Variants in MBOAT2 observed in about 807,000 individuals in gnomAD.
The protein encoded by MBOAT2 is membrane bound glycerophospholipid O-acyltransferase 2.
Under a neutral mutation model 63.4 loss-of-function variants are expected in MBOAT2, and 28 were observed. The ratio of observed to expected loss-of-function variants is 0.44; its 90% confidence interval spans 0.33 to 0.61. MBOAT2 has a LOEUF of 0.61. Among genes scored for constraint, MBOAT2 ranks in the 20% least tolerant of loss-of-function variants. MBOAT2 has a pLI of 0.03. For synonymous variants in MBOAT2, 211 were observed against 215.6 expected, an observed-to-expected ratio of 0.98 and a Z score of 0.19; for missense variants, 470 against 605.8, an observed-to-expected ratio of 0.78 and a Z score of 2.35.
intron 3 of MBOAT2, among the ~76,000 whole-genome samples, chr2:8,924,788 A>G (rs1666827131): frequency 6.6e-6 from 1 of 151,718 alleles, no homozygotes; most frequent in Non-Finnish European, 1.5e-5. Context: ...ATTGTTCTTC[A>G]CTAAGAAAAT....
chr2:8,897,106 G>T (rs922977334), intron 4 of MBOAT2, among the ~76,000 whole-genome samples: 4 of 152,192 alleles, frequency 2.6e-5, no homozygotes, highest in Non-Finnish European at 5.9e-5. Flanking sequence ...GGGGTACACT[G>T]TTTTTTCTTT....
rs372110210 is a variant in MBOAT2 at position 8,912,559 on chromosome 2, C to T, written c.300-3843G>A. On this transcript the variant is annotated intron_variant, in intron 3 of 12. Coordinates refer to ENST00000305997, the MANE Select transcript of MBOAT2 (RefSeq NM_138799.4). ...CTTCTATACACCAACAGCAACAAAG[C>T]GGAGAACCAAATTAGTAATTCAACC... 5.9e-5 allele frequency among the ~76,000 whole-genome samples: 9 copies of T among 152,186 alleles called. No homozygotes were observed. In the East Asian group the frequency reaches 9.6e-4, roughly 16 times the overall value.
chr2:8,926,352 G>A (rs184786731), intron 3 of MBOAT2, among the ~76,000 whole-genome samples: 4 of 152,168 alleles, frequency 2.6e-5, no homozygotes, highest in Non-Finnish European at 1.5e-5. Context: ...AATATGTGAA[G>A]TATACAAGAT....
At chr2:8,896,908 C>T (rs575105584) in intron 4 of MBOAT2, among the ~76,000 whole-genome samples, 1 of 152,196 alleles carries the variant, frequency 6.6e-6, no homozygotes, top group Admixed American at 6.5e-5. Flanking sequence ...ATTTAGATCC[C>T]GTTAGGAAAC....
chr2:8,955,418 G>T (rs984324618), intron 2 of MBOAT2, among the ~76,000 whole-genome samples: 2 of 152,150 alleles, frequency 1.3e-5, no homozygotes, highest in African/African-American at 4.8e-5. Context: ...CACATACTGG[G>T]GCTTCACTCA....
At chr2:8,955,438 A>C (rs562143491) in intron 2 of MBOAT2, among the ~76,000 whole-genome samples, 1 of 152,276 alleles carries the variant, frequency 6.6e-6, no homozygotes, top group African/African-American at 2.4e-5. Context: ...ACTTTTATCA[A>C]CTGGATGCTA....
intron 9 of MBOAT2, among the ~76,000 whole-genome samples, chr2:8,867,061 CTTTTT>C (rs372529326): frequency 6.7e-6 from 1 of 149,024 alleles, no homozygotes; most frequent in Non-Finnish European, 1.5e-5. Context: ...CAATGGTTTT[CTTTTT>C]TTTTTGAGAC....
intron 4 of MBOAT2, among the ~76,000 whole-genome samples, chr2:8,892,202 T>G (rs1664054687): frequency 1.3e-5 from 2 of 152,344 alleles, no homozygotes; most frequent in South Asian, 4.1e-4. Flanking sequence ...AAGGGAAGTC[T>G]GTATATTAAT....
At chr2:8,948,539 A>G (rs1668586488) in intron 2 of MBOAT2, among the ~76,000 whole-genome samples, 1 of 152,090 alleles carries the variant, frequency 6.6e-6, no homozygotes, top group African/African-American at 2.4e-5. Flanking sequence ...TGCCATCTTT[A>G]TGTCCATGAG....
intron 7 of MBOAT2, among the ~76,000 whole-genome samples, chr2:8,876,414 C>T (rs1262756791): frequency 2.6e-5 from 4 of 152,176 alleles, no homozygotes; most frequent in Admixed American, 6.5e-5. Context: ...AGAGTAACTA[C>T]GTGTGAGGTG....
chr2:8,884,817 C>T lies in MBOAT2; in HGVS notation c.452-2252G>A, dbSNP rs189221732. ...AACAAACTTGTGTCAAAAGTCTACA[C>T]GCACAACAAACCCAGCCTTCCTTCT... On this transcript the variant is annotated intron_variant, in intron 5 of 12. Coordinates refer to ENST00000305997, the MANE Select transcript of MBOAT2 (RefSeq NM_138799.4). Among the ~76,000 whole-genome samples the T allele has an allele frequency of 7.5e-4, 114 of 152,334 alleles. 1 individual carries two copies. The highest frequency in any genetic ancestry group is 3.5e-3 in the South Asian group (17 of 4,830).
At chr2:8,941,206 C>G (rs183378244) in intron 3 of MBOAT2, among the ~76,000 whole-genome samples, 119 of 152,230 alleles carry the variant, frequency 7.8e-4, no homozygotes, top group African/African-American at 2.2e-3. Flanking sequence ...TATCCACCTG[C>G]TATTTACTGC....
chr2:8,915,972 G>A (rs991226012), intron 3 of MBOAT2, among the ~76,000 whole-genome samples: 13 of 152,170 alleles, frequency 8.5e-5, no homozygotes, highest in Non-Finnish European at 1.2e-4. Context: ...GCAACTGACT[G>A]GTTTATGGGA....
chr2:8,929,330 GTTCA>G (rs56004479), intron 3 of MBOAT2, among the ~76,000 whole-genome samples: 23,622 of 151,408 alleles, frequency 0.16, 1,914 homozygotes, highest in African/African-American at 0.2. Context: ...TTATTTATTT[GTTCA>G]TTCATTCATT....
chr2:8,888,359 C>T (rs1156432408), intron 4 of MBOAT2, among the ~76,000 whole-genome samples: 1 of 152,118 alleles, frequency 6.6e-6, no homozygotes, highest in Admixed American at 6.6e-5. Flanking sequence ...CTAACCTGGC[C>T]TCCTCATCTC....
intron 2 of MBOAT2, among the ~76,000 whole-genome samples, chr2:8,948,445 C>T (rs774386584): frequency 4.6e-5 from 7 of 152,202 alleles, no homozygotes; most frequent in Non-Finnish European, 8.8e-5. Flanking sequence ...CACCCAGGTA[C>T]TGAGCATAGT....
intron 2 of MBOAT2, among the ~76,000 whole-genome samples, chr2:8,945,090 A>G (rs1184419452): frequency 6.6e-6 from 1 of 152,220 alleles, no homozygotes; most frequent in Non-Finnish European, 1.5e-5. Flanking sequence ...ATGGTGCCTC[A>G]TATCACCTTA....
At chr2:8,885,680 T>A (rs1216451527) in intron 5 of MBOAT2, among the ~76,000 whole-genome samples, 1 of 152,214 alleles carries the variant, frequency 6.6e-6, no homozygotes. Flanking sequence ...CAATCTCATA[T>A]ACATGATTCA....
intron 4 of MBOAT2, among the ~76,000 whole-genome samples, chr2:8,889,069 C>T (rs1572970558): frequency 6.6e-6 from 1 of 152,124 alleles, no homozygotes; most frequent in African/African-American, 2.4e-5. Context: ...ACATGTTTCA[C>T]GGAATCCTGA....
Sources: gnomAD v4.1 joint callset for allele counts (sites outside exome capture counted in the v4.1 genomes callset) on GRCh38, gnomAD v4.1.1 for gene constraint, MANE v1.5 for transcripts, NCBI Gene and HGNC (gene_info 2026-07-23, HGNC 2026-07-21) for gene names.